Variants in PAX8 observed in about 807,000 individuals in gnomAD.
PAX8 encodes the protein paired box protein Pax-8.
Under a neutral mutation model 52.4 loss-of-function variants are expected in PAX8, and 15 were observed. That is an observed-to-expected ratio of 0.29 (90% CI 0.19 to 0.44). The LOEUF is 0.44. Ranked by LOEUF, PAX8 falls within the 20% of genes least tolerant of loss-of-function variation. PAX8 has a pLI of 1.00. For missense variants in PAX8, 554 were observed against 602.5 expected, an observed-to-expected ratio of 0.92 and a Z score of 0.84; for synonymous variants, 284 against 249.7, an observed-to-expected ratio of 1.14 and a Z score of -1.29.
chr2:113,275,448 A>G (rs1693733284), intron 2 of PAX8: 2 of 152,300 alleles, frequency 1.3e-5, no homozygotes, highest in Non-Finnish European at 1.5e-5. Flanking sequence ...TTCCAAATGC[A>G]TTTATTCCAC....
intron 2 of PAX8, chr2:113,259,264 G>C (rs1174856587): frequency 6.5e-6 from 1 of 152,680 alleles, no homozygotes; most frequent in African/African-American, 2.4e-5. Context: ...CTTCCTGCAG[G>C]AGTGATGCTT....
chr2:113,261,361 A>T (rs373773078), intron 2 of PAX8, among the ~76,000 whole-genome samples: 1 of 152,298 alleles, frequency 6.6e-6, no homozygotes, highest in East Asian at 1.9e-4. Context: ...AGAGGCCAGA[A>T]ACCCCCAGAA....
chr2:113,235,407 C>T lies in PAX8; in HGVS notation c.1074G>A (p.Gln358=), dbSNP rs1417507822. 6.3e-7 allele frequency: 1 copy of T among 1,586,616 alleles called. No individual in the cohort carries two copies. ...TCCCTGTCGTACCTGAGAGGAGGGCCTGGCCCGTGAACTGCCCGTACACGG... is the reference window on the plus strand; with the variant it reads ...TCCCTGTCGTACCTGAGAGGAGGGCTTGGCCCGTGAACTGCCCGTACACGG... ...AASVYGQFTG[Q]ALLSGREMVG... is the part of the protein sequence containing the mutation. Residue 358 remains glutamine, a synonymous_variant, in exon 9 of 12, where the codon CAG becomes CAA. Coordinates refer to ENST00000429538, the MANE Select transcript of PAX8 (RefSeq NM_003466.4).
Position 113,242,346 on chromosome 2 carries a change from TCA to T in PAX8, c.479-218_479-217del, listed in dbSNP as rs764666847. ...GGTCAGGGAGTGAGAGTGACACCCC[TCA>T]CAGTCCCTGCTGACACTGTGCAGGA... On this transcript the variant is annotated intron_variant, in intron 5 of 11. Coordinates refer to ENST00000429538, the MANE Select transcript of PAX8 (RefSeq NM_003466.4). 6.8e-4 allele frequency among the ~76,000 whole-genome samples: 101 copies of T among 149,190 alleles called. 1 individual carries two copies. The highest frequency in any genetic ancestry group is 1.5e-4 in the Non-Finnish European group (10 of 66,314).
intron 10 of PAX8, chr2:113,225,750 G>T: frequency 4.6e-6 from 1 of 217,950 alleles, no homozygotes; most frequent in Non-Finnish European, 7.8e-6. Context: ...TAAGAGAAAA[G>T]CCTTGTGCTT....
At chr2:113,250,778 T>G (rs1691699592) in intron 2 of PAX8, 2 of 152,238 alleles carry the variant, frequency 1.3e-5, no homozygotes, top group Non-Finnish European at 2.9e-5. Context: ...TACAAAGCAC[T>G]GGGAATACAA....
intron 11 of PAX8, 111 bp downstream of exon 11, chr2:113,219,981 C>G: frequency 1.4e-6 from 1 of 719,660 alleles, no homozygotes; most frequent in Non-Finnish European, 2.4e-6. Context: ...CTCCCAGGCC[C>G]TCTGTATAAT....
intron 9 of PAX8, among the ~76,000 whole-genome samples, chr2:113,234,993 A>G (rs940827909): frequency 6.6e-6 from 1 of 152,258 alleles, no homozygotes; most frequent in Non-Finnish European, 1.5e-5. Flanking sequence ...CACAACTGGG[A>G]CTGACCCTTG....
At chr2:113,277,553 C>T (rs1435676916) in intron 2 of PAX8, among the ~76,000 whole-genome samples, 18 of 152,216 alleles carry the variant, frequency 1.2e-4, no homozygotes, top group Non-Finnish European at 4.4e-5. Context: ...GGGCTCCATC[C>T]ATCACTGCGG....
chr2:113,229,865 G>T (rs1473190369), intron 9 of PAX8, among the ~76,000 whole-genome samples: 1 of 152,114 alleles, frequency 6.6e-6, no homozygotes, highest in African/African-American at 2.4e-5. Context: ...GGTGAGGGAG[G>T]GAGTGATGGA....
chr2:113,246,029 G>A (rs1050094431), intron 3 of PAX8, among the ~76,000 whole-genome samples: 1 of 152,228 alleles, frequency 6.6e-6, no homozygotes, highest in Non-Finnish European at 1.5e-5. Context: ...TTTGCAGACT[G>A]GAATCTGTGA....
chr2:113,227,524 C>G (rs561200145), intron 9 of PAX8, among the ~76,000 whole-genome samples: 1 of 152,220 alleles, frequency 6.6e-6, no homozygotes, highest in Non-Finnish European at 1.5e-5. Flanking sequence ...GTTTTGTTTA[C>G]GTGATTGTTA....
At chr2:113,261,814 G>T (rs1245463693) in intron 2 of PAX8, among the ~76,000 whole-genome samples, 1 of 151,304 alleles carries the variant, frequency 6.6e-6, no homozygotes, top group Middle Eastern at 3.2e-3. Flanking sequence ...TGCCCTGAAA[G>T]ATTTTAGGTT....
chr2:113,241,751 A>G, intron 6 of PAX8, 25 bp from the exon 7 acceptor site: 2 of 1,612,328 alleles, frequency 1.2e-6, no homozygotes. Context: ...GAAGGAAGAA[A>G]GCTTTTAGGG....
intron 2 of PAX8, among the ~76,000 whole-genome samples, chr2:113,277,370 CCT>C (rs1343135311): frequency 6.6e-6 from 1 of 152,258 alleles, no homozygotes; most frequent in Non-Finnish European, 1.5e-5. Context: ...GAGATCTCAG[CCT>C]CGCTGCGCGC....
At position 113,242,135 on chromosome 2, in the gene PAX8, A is replaced by G. The variant is rs770515618; in HGVS notation, c.479-5T>C. On this transcript the variant is annotated splice_polypyrimidine_tract_variant and splice_region_variant and intron_variant, in intron 5 of 11. Coordinates refer to ENST00000429538, the MANE Select transcript of PAX8 (RefSeq NM_003466.4). The stretch of plus-strand genomic sequence containing the variant: ...GAGTTACAGCTGAGCTGGGGACTGC[A>G]GTGGGGGAGAGGGAGAGGGTCAGGG... 5.0e-6 allele frequency: 8 copies of G among 1,606,092 alleles called. No homozygotes were observed. The highest frequency in any genetic ancestry group is 2.7e-5 in the African/African-American group (2 of 74,444).
At chr2:113,268,418 G>C (rs1693235497) in intron 2 of PAX8, 1 of 152,296 alleles carries the variant, frequency 6.6e-6, no homozygotes, top group African/African-American at 2.4e-5. Flanking sequence ...ACCTCTCTGG[G>C]TCTCAGTTTC....
At chr2:113,276,703 C>T (rs1205840593) in intron 2 of PAX8, 1 of 151,128 alleles carries the variant, frequency 6.6e-6, no homozygotes, top group Non-Finnish European at 1.5e-5. Flanking sequence ...GACATCGTCT[C>T]ATTTCTTGGG....
intron 10 of PAX8, 26 bp from the exon 11 acceptor site, chr2:113,220,204 C>A (rs1375393270): frequency 6.4e-7 from 1 of 1,572,404 alleles, no homozygotes; most frequent in Admixed American, 1.7e-5. Context: ...AGGGGAGAGG[C>A]CTGTGAGGTG....
Sources: gnomAD v4.1 joint callset for allele counts (sites outside exome capture counted in the v4.1 genomes callset) on GRCh38, gnomAD v4.1.1 for gene constraint, MANE v1.5 for transcripts, NCBI Gene and HGNC (gene_info 2026-07-23, HGNC 2026-07-21) for gene names.